Variants in ZCCHC10 observed in about 807,000 individuals in gnomAD.
The protein encoded by ZCCHC10 is zinc finger CCHC-type containing 10, also known as zinc finger CCHC domain-containing protein 10.
In ZCCHC10, 16 loss-of-function variants were observed where a neutral mutation model predicts 19.5. The ratio of observed to expected loss-of-function variants is 0.82; its 90% confidence interval spans 0.56 to 1.25. ZCCHC10 has a LOEUF of 1.25. Among genes scored for constraint, ZCCHC10 ranks in the 50% most tolerant of loss-of-function variants. The probability of loss-of-function intolerance (pLI) is 0.00; values close to 1 mark genes in which losing one functional copy is unlikely to be tolerated. For synonymous variants in ZCCHC10, 67 were observed against 72.5 expected, an observed-to-expected ratio of 0.92 and a Z score of 0.38; for missense variants, 197 against 201.0, an observed-to-expected ratio of 0.98 and a Z score of 0.12.
intron 2 of ZCCHC10, among the ~76,000 whole-genome samples, chr5:133,014,656 G>A (rs1763801960): frequency 6.6e-6 from 1 of 152,228 alleles, no homozygotes; most frequent in African/African-American, 2.4e-5. Context: ...TATCTTCACA[G>A]TGTGCTTCAA....
At chr5:133,010,083 C>G (rs1162958277) in intron 2 of ZCCHC10, among the ~76,000 whole-genome samples, 2 of 142,524 alleles carry the variant, frequency 1.4e-5, no homozygotes, top group Non-Finnish European at 3.0e-5. Context: ...AAGTCTTGCT[C>G]TGTCGCCCAG....
In ZCCHC10 at chr5:133,000,113, C is replaced by A; in HGVS notation, c.311+19G>T. The A allele has an allele frequency of 6.2e-7, 1 of 1,612,948 alleles. No individual in the cohort carries two copies. The highest frequency in any genetic ancestry group is 8.5e-7 in the Non-Finnish European group (1 of 1,179,362). On this transcript the variant is annotated intron_variant, in intron 4 of 4. Transcript: ENST00000509437. ...AGTATTACATGTTATCTATAAAACA[C>A]TGCTAAAACCACACATACCTTTTTT... is the stretch of plus-strand genomic sequence containing the variant.
In ZCCHC10 at chr5:133,003,541, A is replaced by C. The variant is rs1162502743; in HGVS notation, c.269+3218T>G. Among the ~76,000 whole-genome samples the C allele has an allele frequency of 3.3e-5, 5 of 151,906 alleles. No homozygotes were observed. In the South Asian group the frequency reaches 6.2e-4, roughly 19 times the overall value. Reference sequence around the variant, plus strand: ...TGAAAGTTGAAAAAAAACCCAAAAAACCCAGCATCTTGCTATGTTGCCTAG... The same window carrying C: ...TGAAAGTTGAAAAAAAACCCAAAAACCCCAGCATCTTGCTATGTTGCCTAG... On this transcript the variant is annotated intron_variant, in intron 3 of 4. Transcript: ENST00000509437.
At chr5:133,015,450 A>G (rs1763859998) in intron 2 of ZCCHC10, among the ~76,000 whole-genome samples, 1 of 152,122 alleles carries the variant, frequency 6.6e-6, no homozygotes, top group African/African-American at 2.4e-5. Context: ...GTGGAATTGT[A>G]ATTCCCCTCT....
intron 2 of ZCCHC10, among the ~76,000 whole-genome samples, chr5:133,009,578 C>T (rs1454038212): frequency 7.2e-6 from 1 of 138,430 alleles, no homozygotes; most frequent in African/African-American, 2.9e-5. Flanking sequence ...CATGCCACTG[C>T]ACTCTGGCCT....
intron 3 of ZCCHC10, among the ~76,000 whole-genome samples, chr5:133,002,243 G>A (rs1305329654): frequency 7.9e-5 from 12 of 152,008 alleles, no homozygotes; most frequent in Admixed American, 7.9e-4. Flanking sequence ...TTGCAGGTGT[G>A]AGCCAAGGTT....
chr5:133,022,404 T>C (rs1450268593), intron 2 of ZCCHC10, among the ~76,000 whole-genome samples: 4 of 152,072 alleles, frequency 2.6e-5, no homozygotes, highest in Non-Finnish European at 5.9e-5. Flanking sequence ...ATGTGGTGCA[T>C]GACAATATAG....
chr5:133,000,298 C>G (rs1472651218), intron 3 of ZCCHC10, 125 bp from the exon 4 acceptor site: 1 of 1,058,150 alleles, frequency 9.5e-7, no homozygotes, highest in African/African-American at 1.6e-5. Context: ...TTATCACATA[C>G]AGAGTACAGT....
chr5:133,004,632 G>A (rs1012622819), intron 3 of ZCCHC10, among the ~76,000 whole-genome samples: 2 of 152,068 alleles, frequency 1.3e-5, no homozygotes, highest in African/African-American at 2.4e-5. Flanking sequence ...GGGACTACAG[G>A]TGCCCACCAC....
At position 133,015,494 on chromosome 5, in the gene ZCCHC10, C is replaced by T. The variant is rs181710139; in HGVS notation, c.107+7347G>A. On this transcript the variant is annotated intron_variant, in intron 2 of 4. Transcript: ENST00000509437. ...GTGGCTTGGACTTCACAACTTGCTT[C>T]CAACTAACAGAATGAAGCAAGGTGA... Among the ~76,000 whole-genome samples the T allele has an allele frequency of 1.5e-3, 221 of 152,272 alleles. 1 individual carries two copies. The highest frequency in any genetic ancestry group is 3.4e-3 in the Middle Eastern group (1 of 294).
In ZCCHC10 at chr5:132,998,749, T is replaced by A. The variant is rs764821274; in HGVS notation, c.413A>T (p.Asp138Val). The change falls in exon 5 of 5, where the codon GAC becomes GTC. Residue 138 changes from aspartate (D) to valine (V), a missense_variant. Asp to Val is a radical substitution (Grantham distance 152, BLOSUM62 -3). Coordinates refer to ENST00000509437, the MANE Select transcript of ZCCHC10 (RefSeq NM_001300816.3). ...EETSTSSSSE[D>V]SDTDESSSSS... The stretch of plus-strand genomic sequence containing the variant: ...AGAGGAGCTTTCATCAGTGTCACTG[T>A]CCTCTGAGGAGGAAGAGGTAGATGT... 1 of 1,614,126 alleles carries A rather than the reference T, an allele frequency of 6.2e-7. No homozygotes were observed. Among genetic ancestry groups the A allele is most frequent in the South Asian group, 1.1e-5 (1 of 91,082 alleles).
intron 2 of ZCCHC10, among the ~76,000 whole-genome samples, chr5:133,010,388 T>C (rs1360134850): frequency 2.0e-5 from 3 of 151,968 alleles, no homozygotes; most frequent in African/African-American, 7.3e-5. Flanking sequence ...AGGTAGTAAA[T>C]ATTATAGGCT....
At chr5:133,019,661 A>G (rs554063800) in intron 2 of ZCCHC10, among the ~76,000 whole-genome samples, 28 of 152,280 alleles carry the variant, frequency 1.8e-4, no homozygotes, top group African/African-American at 6.5e-4. Context: ...AAAAATTTTA[A>G]ATGTGCATAC....
intron 2 of ZCCHC10, among the ~76,000 whole-genome samples, chr5:133,020,752 A>C (rs1354898480): frequency 1.3e-5 from 2 of 151,548 alleles, no homozygotes; most frequent in Non-Finnish European, 2.9e-5. Context: ...ACGGAGTCTC[A>C]CTCTGTCACC....
chr5:133,003,601 T>C (rs554595265), intron 3 of ZCCHC10, among the ~76,000 whole-genome samples: 4 of 152,188 alleles, frequency 2.6e-5, no homozygotes, highest in African/African-American at 4.8e-5. Flanking sequence ...AGTGATCCTC[T>C]TGTCTTGGCC....
intron 2 of ZCCHC10, among the ~76,000 whole-genome samples, chr5:133,016,790 C>T (rs1763952312): frequency 6.6e-6 from 1 of 152,176 alleles, no homozygotes; most frequent in African/African-American, 2.4e-5. Flanking sequence ...CTGGCTCCCA[C>T]TATCCTTAAT....
At chr5:133,021,204 T>C (rs1051855037) in intron 2 of ZCCHC10, among the ~76,000 whole-genome samples, 1 of 152,140 alleles carries the variant, frequency 6.6e-6, no homozygotes. Context: ...CTAATTTTTG[T>C]ATTTTTAGTA....
intron 3 of ZCCHC10, among the ~76,000 whole-genome samples, chr5:133,001,601 A>G (rs1762778743): frequency 6.6e-6 from 1 of 151,962 alleles, no homozygotes; most frequent in South Asian, 2.1e-4. Flanking sequence ...AGCTGGGACT[A>G]CAACACGCAC....
intron 2 of ZCCHC10, among the ~76,000 whole-genome samples, chr5:133,013,434 G>GCAAAAGAGGC (rs1409676261): frequency 6.6e-6 from 1 of 151,810 alleles, no homozygotes; most frequent in Non-Finnish European, 1.5e-5. Flanking sequence ...AAGATATGTA[G>GCAAAAGAGGC]CAAAAGAGGC....
Sources: allele counts gnomAD v4.1 joint callset (sites outside exome capture counted in the v4.1 genomes callset), GRCh38; gene constraint gnomAD v4.1.1; transcripts MANE v1.5; gene names NCBI Gene and HGNC (gene_info 2026-07-23, HGNC 2026-07-21).